TARS1: variants seen among roughly 807,000 people sequenced by gnomAD.
TARS1 encodes the protein threonyl-tRNA synthetase 1.
In TARS1, 57 loss-of-function variants were observed where a neutral mutation model predicts 97.7. That is an observed-to-expected ratio of 0.58 (90% CI 0.47 to 0.73). TARS1 has a LOEUF of 0.73. TARS1 is among the 30% of genes least tolerant of loss of function. TARS1 has a pLI of 0.00. For missense variants in TARS1, 806 were observed against 888.3 expected, an observed-to-expected ratio of 0.91 and a Z score of 1.18; for synonymous variants, 312 against 293.7, an observed-to-expected ratio of 1.06 and a Z score of -0.64.
Position 33,458,717 on chromosome 5 carries a change from A to G in TARS1, c.1083+53A>G, listed in dbSNP as rs369871396. The G allele has an allele frequency of 1.3e-5, 18 of 1,380,244 alleles. No individual in the cohort carries two copies. The African/African-American group carries it at 1.3e-4, about 10-fold the overall frequency. The allele number at this position is 1,380,244 out of a possible 1,614,324, so 85.5% of individuals were successfully genotyped here. On this transcript the variant is annotated intron_variant, in intron 10 of 18. Transcript: ENST00000265112. The stretch of plus-strand genomic sequence containing the variant: ...TAGATTTAGGATATGTGATCATTTT[A>G]TTAAATAAGGTCTACTAAAAGGAAA...
chr5:33,442,465 A>G (rs1263608696), intron 1 of TARS1, among the ~76,000 whole-genome samples: 1 of 152,156 alleles, frequency 6.6e-6, no homozygotes, highest in Non-Finnish European at 1.5e-5. Flanking sequence ...TAATTATACA[A>G]TAGTTAATAT....
chr5:33,461,068 T>G lies in TARS1; in HGVS notation c.1413+4T>G, dbSNP rs913220850. 2.0e-5 allele frequency: 32 copies of G among 1,613,320 alleles called. No individual in the cohort carries two copies. The highest frequency in any genetic ancestry group is 2.6e-5 in the Non-Finnish European group (31 of 1,179,620). Reference sequence around the variant, plus strand: ...CATATTCTGTGCCATGGAGCAGGTATGAGACCCTGGGAATAAAATACTTAG... The same window carrying G: ...CATATTCTGTGCCATGGAGCAGGTAGGAGACCCTGGGAATAAAATACTTAG... On this transcript the variant is annotated splice_donor_region_variant and intron_variant, in intron 12 of 18. Transcript: ENST00000265112.
At chr5:33,467,223 A>G (rs1742569003) in intron 18 of TARS1, among the ~76,000 whole-genome samples, 1 of 151,186 alleles carries the variant, frequency 6.6e-6, no homozygotes, top group South Asian at 2.1e-4. Flanking sequence ...TTTTGCTATT[A>G]TAACAAGAAT....
chr5:33,448,177 G>C (rs983117624), intron 2 of TARS1, among the ~76,000 whole-genome samples: 7 of 152,278 alleles, frequency 4.6e-5, no homozygotes, highest in African/African-American at 1.7e-4. Flanking sequence ...GGACATGAAT[G>C]AAACAAAATA....
In TARS1 at chr5:33,454,967, A is replaced by C; in HGVS notation, c.476A>C (p.His159Pro). ...CAGGTGTATTGGCACTCTAGTGCTC[A>C]CATAATGGGTGAAGCCATGGAAAGA... ...AQAVYWHSSA[H>P]IMGEAMERVY... Residue 159 changes from histidine (H) to proline (P), a missense_variant, in exon 5 of 19, where the codon CAC becomes CCC. Physicochemically the swap from His to Pro is moderately conservative, Grantham distance 77. This residue lies in a region of TARS1 where 356 missense variants were observed against 357.8 expected (regional missense o/e 0.99). Coordinates refer to ENST00000265112, the MANE Select transcript of TARS1 (RefSeq NM_152295.5). 1 of 1,613,906 alleles carries C rather than the reference A, an allele frequency of 6.2e-7. No homozygotes were observed. Among genetic ancestry groups the C allele is most frequent in the Non-Finnish European group, 8.5e-7 (1 of 1,179,862 alleles).
At chr5:33,452,189 T>G (rs1301908360) in intron 3 of TARS1, among the ~76,000 whole-genome samples, 1 of 152,196 alleles carries the variant, frequency 6.6e-6, no homozygotes, top group Non-Finnish European at 1.5e-5. Flanking sequence ...GTAGGTTTCT[T>G]TGAGATTTAC....
At chr5:33,440,709 A>G (rs1579569188), upstream of TARS1, 4 of 433,308 alleles carry the variant, frequency 9.2e-6, no homozygotes, top group East Asian at 1.3e-4. Flanking sequence ...ATTGTTCCAC[A>G]TAAAGTCAGA....
intron 16 of TARS1, among the ~76,000 whole-genome samples, chr5:33,462,816 A>C (rs1359824962): frequency 6.6e-6 from 1 of 152,184 alleles, no homozygotes; most frequent in African/African-American, 2.4e-5. Context: ...CCGTGTGTAG[A>C]GCCTTCCATA....
chr5:33,464,298 C>T (rs1488850038), intron 17 of TARS1, among the ~76,000 whole-genome samples: 5 of 152,100 alleles, frequency 3.3e-5, no homozygotes, highest in East Asian at 1.9e-4. Context: ...GGTAAATTCC[C>T]GTTCAAAATA....
rs1329744328 is a variant in TARS1 at position 33,460,960 on chromosome 5, T to G, written c.1309T>G (p.Phe437Val). Residue 437 changes from phenylalanine (F) to valine (V), a missense_variant, in exon 12 of 19, where the codon TTT becomes GTT. By Grantham distance (50) the Phe-to-Val change is conservative. This residue lies in a region of TARS1 where 446 missense variants were observed against 511.0 expected (regional missense o/e 0.87). Coordinates refer to ENST00000265112, the MANE Select transcript of TARS1 (RefSeq NM_152295.5). ...AGAACTGCCTCTGCGGCTAGCTGAT[T>G]TTGGGGTACTTCATAGGAACGAGCT... ...WRELPLRLAD[F>V]GVLHRNELSG... 3 of 1,614,016 alleles carry G rather than the reference T, an allele frequency of 1.9e-6. No individual in the cohort carries two copies. The highest frequency in any genetic ancestry group is 2.5e-6 in the Non-Finnish European group (3 of 1,180,026).
At chr5:33,443,320 CCTCTCTCT>C (rs769681224) in intron 1 of TARS1, among the ~76,000 whole-genome samples, 2,546 of 118,490 alleles carry the variant, frequency 0.021, 56 homozygotes, top group African/African-American at 0.064. Flanking sequence ...TCTCTCTCTC[CCTCTCTCT>C]CTCTCTCTCT....
intron 1 of TARS1, among the ~76,000 whole-genome samples, chr5:33,443,331 CT>C (rs1561066228): frequency 5.7e-5 from 6 of 105,292 alleles, no homozygotes; most frequent in African/African-American, 1.6e-4. Context: ...CTCTCTCTCT[CT>C]CTCTCTCTCT....
At chr5:33,446,913 G>A (rs941180694) in intron 2 of TARS1, 12 of 384,548 alleles carry the variant, frequency 3.1e-5, no homozygotes, top group African/African-American at 1.3e-4. Flanking sequence ...GTTATGGACC[G>A]TTGTGATAAT....
chr5:33,464,760 T>C (rs1465668345), intron 17 of TARS1, among the ~76,000 whole-genome samples: 1 of 150,626 alleles, frequency 6.6e-6, no homozygotes, highest in Non-Finnish European at 1.5e-5. Flanking sequence ...CTGAGCAACA[T>C]AGTGAGACCC....
chr5:33,462,262 T>A, intron 16 of TARS1, 59 bp downstream of exon 16: 2 of 1,434,788 alleles, frequency 1.4e-6, no homozygotes, highest in Non-Finnish European at 1.9e-6. Context: ...AAGAAATGTC[T>A]ACTTTTCGAT....
At chr5:33,448,849 C>A in intron 3 of TARS1, 118 bp downstream of exon 3, 1 of 875,592 alleles carries the variant, frequency 1.1e-6, no homozygotes, top group Non-Finnish European at 1.6e-6. Flanking sequence ...TGTTTTTAAT[C>A]TGTTTAATTT....
At chr5:33,459,946 A>T in intron 11 of TARS1, 85 bp downstream of exon 11, 2 of 1,444,894 alleles carry the variant, frequency 1.4e-6, no homozygotes, top group Non-Finnish European at 1.9e-6. Flanking sequence ...CAACATTTTC[A>T]TTAAAAACAA....
Position 33,459,838 on chromosome 5 carries a change from A to G in TARS1, c.1227A>G (p.Lys409=). ...FEVEKELFAL[K]PMNCPGHCLM... ...TGGAGAAGGAGCTGTTTGCCCTGAAACCCATGAACTGCCCAGGACACTGGT... is the reference window on the plus strand; with the variant it reads ...TGGAGAAGGAGCTGTTTGCCCTGAAGCCCATGAACTGCCCAGGACACTGGT... The change falls in exon 11 of 19, where the codon AAA becomes AAG. Residue 409 remains lysine, a synonymous_variant. Coordinates refer to ENST00000265112, the MANE Select transcript of TARS1 (RefSeq NM_152295.5). 6 of 1,614,048 alleles carry G rather than the reference A, an allele frequency of 3.7e-6. No individual in the cohort carries two copies. Among genetic ancestry groups the G allele is most frequent in the Non-Finnish European group, 5.1e-6 (6 of 1,179,972 alleles).
At chr5:33,448,840 G>T in intron 3 of TARS1, 109 bp downstream of exon 3, 1 of 920,498 alleles carries the variant, frequency 1.1e-6, no homozygotes, top group Non-Finnish European at 1.5e-6. Flanking sequence ...ACCATTCAGT[G>T]TTTTTAATCT....
Sources: gnomAD v4.1 joint callset for allele counts (sites outside exome capture counted in the v4.1 genomes callset) on GRCh38, gnomAD v4.1.1 for gene constraint, gnomAD v4.1.1 regional missense constraint, MANE v1.5 for transcripts, NCBI Gene and HGNC (gene_info 2026-07-23, HGNC 2026-07-21) for gene names.